Variants in AGBL4 observed in about 807,000 individuals in gnomAD.
AGBL4 encodes the protein cytosolic carboxypeptidase 6.
In AGBL4, 58 loss-of-function variants were observed where a neutral mutation model predicts 66.4. The observed-to-expected ratio is 0.87, with a 90% CI of 0.71 to 1.09. The LOEUF (loss-of-function observed/expected upper bound fraction) is 1.09. Ranked by LOEUF, AGBL4 falls within the 50% of genes least tolerant of loss-of-function variation. AGBL4 has a pLI of 0.00. For missense variants in AGBL4, 579 were observed against 631.0 expected (o/e 0.92, Z 0.88); for synonymous variants, 234 against 222.9 (o/e 1.05, Z -0.44).
chr1:49,675,414 C>T lies in AGBL4; in HGVS notation c.282+21899G>A, dbSNP rs141315063. Among the ~76,000 whole-genome samples the T allele has an allele frequency of 3.1e-3, 467 of 152,000 alleles. 2 individuals carry two copies. Among genetic ancestry groups the T allele is most frequent in the Non-Finnish European group, 4.8e-3 (329 of 67,906 alleles). ...AGGGAAATAATAGACACTGGGGACT[C>T]CAAAAGTGAGGAGGGTGGGAGGGAG... On this transcript the variant is annotated intron_variant, in intron 3 of 13. Transcript: ENST00000371839.
At chr1:49,390,085 T>C (rs1442519228) in intron 3 of AGBL4, among the ~76,000 whole-genome samples, 1 of 152,142 alleles carries the variant, frequency 6.6e-6, no homozygotes, top group Non-Finnish European at 1.5e-5. Context: ...TTCTGAATGG[T>C]TTGTGAGAAG....
chr1:49,717,476 A>G lies in AGBL4; in HGVS notation c.158-20039T>C, dbSNP rs1341856493. Among the ~76,000 whole-genome samples the G allele has an allele frequency of 6.6e-5, 10 of 152,030 alleles. No homozygotes were observed. In the East Asian group the frequency reaches 1.9e-3, roughly 29 times the overall value. ...CCTCATCTCCTATTATTATCACTTTACTTGGCTTCCTTCAAGTAACTGCTC... is the reference window on the plus strand; with the variant it reads ...CCTCATCTCCTATTATTATCACTTTGCTTGGCTTCCTTCAAGTAACTGCTC... On this transcript the variant is annotated intron_variant, in intron 2 of 13. Coordinates refer to ENST00000371839, the MANE Select transcript of AGBL4 (RefSeq NM_032785.4).
At chr1:49,211,340 A>T (rs1184697583) in intron 4 of AGBL4, among the ~76,000 whole-genome samples, 1 of 152,160 alleles carries the variant, frequency 6.6e-6, no homozygotes, top group Non-Finnish European at 1.5e-5. Flanking sequence ...ATTGAGTGAA[A>T]GAATAAAGTT....
intron 3 of AGBL4, among the ~76,000 whole-genome samples, chr1:49,598,930 C>A (rs970925447): frequency 6.6e-6 from 1 of 152,180 alleles, no homozygotes; most frequent in African/African-American, 2.4e-5. Context: ...TTGAACCAGC[C>A]TTGCATCCCA....
chr1:49,821,551 G>A (rs887258808), intron 2 of AGBL4, among the ~76,000 whole-genome samples: 3 of 152,164 alleles, frequency 2.0e-5, no homozygotes, highest in East Asian at 1.9e-4. Flanking sequence ...TATAAGCATT[G>A]TACTGAGCTA....
chr1:49,738,813 G>A (rs1446921731), intron 2 of AGBL4, among the ~76,000 whole-genome samples: 1 of 152,176 alleles, frequency 6.6e-6, no homozygotes, highest in African/African-American at 2.4e-5. Context: ...GTGGACCTCT[G>A]GCAAATTCCA....
At chr1:49,799,250 A>G (rs193015209) in intron 2 of AGBL4, among the ~76,000 whole-genome samples, 10 of 152,260 alleles carry the variant, frequency 6.6e-5, no homozygotes, top group Admixed American at 2.6e-4. Context: ...TGGGAAAATA[A>G]CATGTGATAA....
At chr1:49,120,779 G>C (rs1645636475) in intron 4 of AGBL4, among the ~76,000 whole-genome samples, 1 of 152,130 alleles carries the variant, frequency 6.6e-6, no homozygotes. Flanking sequence ...AAGTTCTCCT[G>C]GGTAATATCC....
intron 3 of AGBL4, among the ~76,000 whole-genome samples, chr1:49,655,039 A>G (rs1646094855): frequency 6.6e-6 from 1 of 152,122 alleles, no homozygotes; most frequent in Non-Finnish European, 1.5e-5. Flanking sequence ...ATAATTTGGC[A>G]TGTTTTTGCA....
chr1:49,240,899 G>C (rs1247569747), intron 4 of AGBL4, among the ~76,000 whole-genome samples: 1 of 151,680 alleles, frequency 6.6e-6, no homozygotes, highest in Non-Finnish European at 1.5e-5. Context: ...TTCCTAAACT[G>C]TTTCTCCTCC....
At chr1:48,750,413 G>A (rs1472049199) in intron 6 of AGBL4, among the ~76,000 whole-genome samples, 1 of 152,106 alleles carries the variant, frequency 6.6e-6, no homozygotes, top group African/African-American at 2.4e-5. Context: ...CTTTGTTTAG[G>A]CTCTCCTGTT....
chr1:49,085,379 G>A (rs1644887816), intron 4 of AGBL4, among the ~76,000 whole-genome samples: 1 of 151,726 alleles, frequency 6.6e-6, no homozygotes, highest in African/African-American at 2.4e-5. Context: ...TGGTTCTCAG[G>A]CCTTTTGTGT....
chr1:49,564,609 G>A (rs954839595), intron 3 of AGBL4, among the ~76,000 whole-genome samples: 2 of 152,168 alleles, frequency 1.3e-5, no homozygotes, highest in African/African-American at 4.8e-5. Flanking sequence ...CCATGTAGTT[G>A]AGTGGTTTTG....
intron 3 of AGBL4, among the ~76,000 whole-genome samples, chr1:49,619,088 T>C (rs1305206124): frequency 6.6e-6 from 1 of 152,146 alleles, no homozygotes. Context: ...TCACCACTCC[T>C]ATTCAACATA....
chr1:49,278,875 A>G (rs976282407), intron 3 of AGBL4, among the ~76,000 whole-genome samples: 4 of 152,200 alleles, frequency 2.6e-5, no homozygotes, highest in African/African-American at 9.6e-5. Flanking sequence ...ATGTAACATT[A>G]TCCTAATTGT....
intron 3 of AGBL4, among the ~76,000 whole-genome samples, chr1:49,644,397 T>C (rs1413315293): frequency 6.6e-6 from 1 of 151,570 alleles, no homozygotes; most frequent in Non-Finnish European, 1.5e-5. Flanking sequence ...AACTAGGTAC[T>C]ATTTATTAGA....
rs529280762 is a variant in AGBL4, at chr1:48,745,604, T to C, written c.635-82363A>G. On this transcript the variant is annotated intron_variant, in intron 6 of 13. Transcript: ENST00000371839. ...CTCTTTGCTTATGCCATTCCTTTTG[T>C]CCAGAACATTCTACCCCTAGAGATG... 7.2e-5 allele frequency among the ~76,000 whole-genome samples: 11 copies of C among 152,250 alleles called. No individual in the cohort carries two copies. In the South Asian group the frequency reaches 2.3e-3, roughly 32 times the overall value.
intron 3 of AGBL4, among the ~76,000 whole-genome samples, chr1:49,657,115 C>T (rs1042141288): frequency 3.3e-5 from 5 of 152,300 alleles, no homozygotes; most frequent in African/African-American, 1.2e-4. Flanking sequence ...ACCCCATCGT[C>T]TCAGACCAAA....
At chr1:49,336,041 A>G (rs1645431360) in intron 3 of AGBL4, among the ~76,000 whole-genome samples, 1 of 152,100 alleles carries the variant, frequency 6.6e-6, no homozygotes, top group Non-Finnish European at 1.5e-5. Context: ...ATTATAAGGA[A>G]TTGGCTCACA....
Sources: gnomAD v4.1 joint callset for allele counts (sites outside exome capture counted in the v4.1 genomes callset) on GRCh38, gnomAD v4.1.1 for gene constraint, MANE v1.5 for transcripts, NCBI Gene and HGNC (gene_info 2026-07-23, HGNC 2026-07-21) for gene names.